Variants in TNFSF4 observed in about 807,000 individuals in gnomAD.
TNFSF4 encodes the protein tumor necrosis factor ligand superfamily member 4.
A neutral mutation model predicts 7.3 loss-of-function variants in TNFSF4; 4 were observed. That is an observed-to-expected ratio of 0.55 (90% confidence interval 0.27 to 1.25). The LOEUF (loss-of-function observed/expected upper bound fraction) is 1.25, where lower values mean the gene tolerates loss of function less well. Among genes scored for constraint, TNFSF4 ranks in the 50% most tolerant of loss-of-function variants. The probability of loss-of-function intolerance (pLI) is 0.12; values close to 1 mark genes in which losing one functional copy is unlikely to be tolerated. For missense variants in TNFSF4, 181 were observed against 208.8 expected (o/e 0.87, Z 0.82); for synonymous variants, 76 against 83.7 (o/e 0.91, Z 0.50).
At chr1:173,320,677 A>C in the TNFSF4 span, among the ~76,000 whole-genome samples, 1 of 152,230 alleles carries the variant, frequency 6.6e-6, no homozygotes, top group Admixed American at 6.5e-5. Context: ...ATTCCTATAC[A>C]CCAATAATAG....
the TNFSF4 span, among the ~76,000 whole-genome samples, chr1:173,443,587 G>T: frequency 6.6e-6 from 1 of 152,144 alleles, no homozygotes; most frequent in South Asian, 2.1e-4. Flanking sequence ...GATTGATATA[G>T]ATATAAATAG....
the TNFSF4 span, among the ~76,000 whole-genome samples, chr1:173,322,503 C>T: frequency 4.8e-4 from 73 of 152,172 alleles, 1 homozygote; most frequent in East Asian, 2.5e-3. Context: ...ACTGAGGTAC[C>T]GGGTTCATCT....
chr1:173,302,465 C>T, the TNFSF4 span, among the ~76,000 whole-genome samples: 2 of 151,888 alleles, frequency 1.3e-5, no homozygotes, highest in East Asian at 1.9e-4. Flanking sequence ...CACTCTTTGA[C>T]CTCATCTCCC....
At chr1:173,261,669 T>C in the TNFSF4 span, among the ~76,000 whole-genome samples, 1 of 151,942 alleles carries the variant, frequency 6.6e-6, no homozygotes, top group Non-Finnish European at 1.5e-5. Context: ...CCCACAGAAA[T>C]ACAAACAACC....
rs546309956 is a variant in TNFSF4, at chr1:173,192,188, T to A, written c.154-3619A>T. On this transcript the variant is annotated intron_variant, in intron 1 of 2. Coordinates refer to ENST00000281834, the MANE Select transcript of TNFSF4 (RefSeq NM_003326.5). ...GTCTCTGCCCATTAAAATCTTACCATCTTCAAGGCCTAAATCAAATCCTTG... is the reference window on the plus strand; with the variant it reads ...GTCTCTGCCCATTAAAATCTTACCAACTTCAAGGCCTAAATCAAATCCTTG... Among the ~76,000 whole-genome samples, 7 of 152,300 alleles carry A rather than the reference T, an allele frequency of 4.6e-5. No homozygotes were observed. The South Asian group carries it at 1.4e-3, about 32-fold the overall frequency.
the TNFSF4 span, among the ~76,000 whole-genome samples, chr1:173,262,444 C>T: frequency 5.3e-5 from 8 of 152,110 alleles, no homozygotes; most frequent in African/African-American, 1.7e-4. Context: ...CTCCTCTCAC[C>T]ACTCCTATTC....
chr1:173,190,022 C>T (rs1478914010), intron 1 of TNFSF4, among the ~76,000 whole-genome samples: 5 of 148,578 alleles, frequency 3.4e-5, no homozygotes, highest in African/African-American at 1.2e-4. Flanking sequence ...TCAGCCTGGC[C>T]AACATGGTGA....
At chr1:173,349,537 T>A in the TNFSF4 span, among the ~76,000 whole-genome samples, 1 of 152,196 alleles carries the variant, frequency 6.6e-6, no homozygotes, top group Non-Finnish European at 1.5e-5. Flanking sequence ...ATTAGTTCTG[T>A]CTCTAACCGA....
the TNFSF4 span, among the ~76,000 whole-genome samples, chr1:173,433,164 G>A: frequency 6.6e-6 from 1 of 152,076 alleles, no homozygotes; most frequent in Admixed American, 6.5e-5. Flanking sequence ...CCCTTTGAAG[G>A]CACAGAAATA....
chr1:173,210,511 A>C (rs1650336636), upstream of TNFSF4, among the ~76,000 whole-genome samples: 1 of 152,120 alleles, frequency 6.6e-6, no homozygotes, highest in African/African-American at 2.4e-5. Flanking sequence ...GGTGAAGGAG[A>C]GTGGCTGCTG....
At chr1:173,200,407 AATAAT>A (rs979568061) in intron 1 of TNFSF4, among the ~76,000 whole-genome samples, 4 of 152,202 alleles carry the variant, frequency 2.6e-5, no homozygotes, top group Non-Finnish European at 4.4e-5. Context: ...TAGTACATTG[AATAAT>A]ACCATTCAAC....
At chr1:173,432,534 C>A in the TNFSF4 span, among the ~76,000 whole-genome samples, 10 of 152,256 alleles carry the variant, frequency 6.6e-5, no homozygotes, top group Admixed American at 6.5e-4. Flanking sequence ...GGTTGCCTTA[C>A]TAGAAACCAA....
downstream of TNFSF4, among the ~76,000 whole-genome samples, chr1:173,181,788 G>C (rs1424058611): frequency 6.6e-6 from 1 of 152,164 alleles, no homozygotes; most frequent in Non-Finnish European, 1.5e-5. Flanking sequence ...AATTCTGCTA[G>C]GTAATATTGA....
the TNFSF4 span, among the ~76,000 whole-genome samples, chr1:173,246,020 C>T: frequency 6.6e-6 from 1 of 152,166 alleles, no homozygotes. Flanking sequence ...CATATCTTGG[C>T]TGTTGTGAAT....
At chr1:173,260,567 A>G in the TNFSF4 span, among the ~76,000 whole-genome samples, 1 of 152,178 alleles carries the variant, frequency 6.6e-6, no homozygotes, top group East Asian at 1.9e-4. Flanking sequence ...AAGAATCAAG[A>G]CCTATTAGTG....
the TNFSF4 span, among the ~76,000 whole-genome samples, chr1:173,422,360 T>C: frequency 1.6e-3 from 207 of 128,614 alleles, 1 homozygote; most frequent in African/African-American, 6.0e-3. Context: ...TGGGAGAGAA[T>C]GGAGGAAGGC....
the TNFSF4 span, among the ~76,000 whole-genome samples, chr1:173,298,007 G>A: frequency 1.2e-4 from 18 of 151,842 alleles, no homozygotes; most frequent in African/African-American, 4.1e-4. Flanking sequence ...GTAGAGTCTG[G>A]GGAAGTCCAG....
the TNFSF4 span, among the ~76,000 whole-genome samples, chr1:173,222,688 A>G: frequency 6.6e-6 from 1 of 152,214 alleles, no homozygotes; most frequent in Non-Finnish European, 1.5e-5. Context: ...ATGAACTACA[A>G]TGAAAAATGA....
At chr1:173,253,709 T>C in the TNFSF4 span, among the ~76,000 whole-genome samples, 2 of 152,202 alleles carry the variant, frequency 1.3e-5, no homozygotes, top group Non-Finnish European at 1.5e-5. Context: ...TACATAATGC[T>C]GTGAAGGTAG....
Sources: allele counts gnomAD v4.1 joint callset (sites outside exome capture counted in the v4.1 genomes callset), GRCh38; gene constraint gnomAD v4.1.1; transcripts MANE v1.5; gene names NCBI Gene and HGNC (gene_info 2026-07-23, HGNC 2026-07-21).